Variants in DSCAML1 observed in about 807,000 individuals in gnomAD.
DSCAML1 encodes the protein cell adhesion molecule DSCAML1.
In DSCAML1, 38 loss-of-function variants were observed where a neutral mutation model predicts 200.5. The ratio of observed to expected loss-of-function variants is 0.19; its 90% CI spans 0.15 to 0.25. The LOEUF (loss-of-function observed/expected upper bound fraction) is 0.25. Among genes scored for constraint, DSCAML1 ranks in the 10% least tolerant of loss-of-function variants. The probability of loss-of-function intolerance (pLI) is 1.00; values close to 1 mark genes in which losing one functional copy is unlikely to be tolerated. For missense variants in DSCAML1, 2,223 were observed against 2,858.8 expected (o/e 0.78, Z 5.07); for synonymous variants, 1,215 against 1,165.0 (o/e 1.04, Z -0.87).
chr11:117,720,212 T>G (rs1268597187), intron 3 of DSCAML1, among the ~76,000 whole-genome samples: 1 of 152,106 alleles, frequency 6.6e-6, no homozygotes, highest in Admixed American at 6.5e-5. Flanking sequence ...CAGCCAGGTA[T>G]GGAGCAGATA....
chr11:117,742,360 G>A (rs1461220689), intron 3 of DSCAML1, among the ~76,000 whole-genome samples: 2 of 152,216 alleles, frequency 1.3e-5, no homozygotes, highest in Non-Finnish European at 2.9e-5. Context: ...TTTACAGACA[G>A]AGCTAAATCC....
rs774593557 is a variant in DSCAML1 at position 117,435,683 on chromosome 11, G to A, written c.4837C>T (p.Arg1613Cys). ...AGCCGTTTCTCCTTCCTCTTCTTGC[G>A]TACGATGAAGAGCAGTGCCACCCCC... The part of the protein sequence containing the change: ...TLGVALLFIV[R>C]KKRKEKRLKR... The change falls in exon 27 of 33, where the codon CGC (arginine) becomes TGC (cysteine). Residue 1613 changes from arginine (R) to cysteine (C), a missense_variant. This residue lies in a region of DSCAML1 where 614 missense variants were observed against 739.1 expected (regional missense o/e 0.83). Coordinates refer to ENST00000651296, the MANE Select transcript of DSCAML1 (RefSeq NM_020693.4). The A allele has an allele frequency of 4.4e-6, 7 of 1,608,390 alleles. No individual in the cohort carries two copies. Among genetic ancestry groups the A allele is most frequent in the South Asian group, 2.2e-5 (2 of 90,716 alleles).
intron 3 of DSCAML1, among the ~76,000 whole-genome samples, chr11:117,548,112 G>C (rs1053565642): frequency 1.3e-5 from 2 of 152,232 alleles, no homozygotes; most frequent in African/African-American, 2.4e-5. Flanking sequence ...TTGAGGGCAG[G>C]TGTGGATCCC....
intron 3 of DSCAML1, among the ~76,000 whole-genome samples, chr11:117,602,928 G>A (rs147519488): frequency 2.6e-5 from 4 of 151,760 alleles, no homozygotes; most frequent in African/African-American, 7.3e-5. Context: ...GCGAAACCCC[G>A]TCTCTACAAA....
chr11:117,670,313 GA>G (rs2053077730), intron 3 of DSCAML1, among the ~76,000 whole-genome samples: 3 of 151,938 alleles, frequency 2.0e-5, no homozygotes, highest in Admixed American at 2.0e-4. Context: ...CCCCCAGACC[GA>G]CTCCAAGCTC....
intron 3 of DSCAML1, among the ~76,000 whole-genome samples, chr11:117,695,891 A>G (rs924629362): frequency 2.0e-5 from 3 of 152,226 alleles, no homozygotes; most frequent in Non-Finnish European, 4.4e-5. Flanking sequence ...CCTACCTTGT[A>G]GGTTGTTGTT....
intron 11 of DSCAML1, among the ~76,000 whole-genome samples, chr11:117,501,715 C>T (rs1309291754): frequency 6.6e-6 from 1 of 152,076 alleles, no homozygotes; most frequent in African/African-American, 2.4e-5. Context: ...CACGCAGGAG[C>T]CATGAGTGGG....
chr11:117,692,032 G>A (rs979083171), intron 3 of DSCAML1, among the ~76,000 whole-genome samples: 1 of 152,070 alleles, frequency 6.6e-6, no homozygotes, highest in Non-Finnish European at 1.5e-5. Context: ...TACCTGAAAT[G>A]GGCTCTATTA....
chr11:117,693,136 A>G (rs2053528409), intron 3 of DSCAML1, among the ~76,000 whole-genome samples: 1 of 152,190 alleles, frequency 6.6e-6, no homozygotes. Context: ...GATCTTCAGC[A>G]TCTTGCCGTG....
intron 20 of DSCAML1, among the ~76,000 whole-genome samples, chr11:117,446,831 C>G (rs1307124867): frequency 6.6e-6 from 1 of 152,106 alleles, no homozygotes; most frequent in Non-Finnish European, 1.5e-5. Flanking sequence ...CCAGGAATTC[C>G]TATAGAAATT....
chr11:117,439,196 G>T (rs921818701), intron 23 of DSCAML1, 70 bp downstream of exon 23: 5 of 1,571,894 alleles, frequency 3.2e-6, no homozygotes, highest in African/African-American at 1.3e-5. Flanking sequence ...TGACCCTCTC[G>T]CATGATGGAA....
chr11:117,483,527 A>G (rs1342309269), intron 11 of DSCAML1, among the ~76,000 whole-genome samples: 1 of 152,232 alleles, frequency 6.6e-6, no homozygotes, highest in East Asian at 1.9e-4. Context: ...TGAAACTCCT[A>G]TGATCTCAGG....
At chr11:117,541,124 C>T (rs1297232764) in intron 3 of DSCAML1, among the ~76,000 whole-genome samples, 1 of 152,230 alleles carries the variant, frequency 6.6e-6, no homozygotes, top group African/African-American at 2.4e-5. Flanking sequence ...TTGCACACTT[C>T]CACCCCAAGG....
intron 8 of DSCAML1, among the ~76,000 whole-genome samples, chr11:117,506,371 G>C (rs1307541147): frequency 6.6e-6 from 1 of 152,020 alleles, no homozygotes; most frequent in African/African-American, 2.4e-5. Flanking sequence ...TTTTACAGAT[G>C]AGAAAACTCA....
chr11:117,779,737 G>C (rs554036327), intron 2 of DSCAML1, among the ~76,000 whole-genome samples: 1 of 152,176 alleles, frequency 6.6e-6, no homozygotes, highest in Non-Finnish European at 1.5e-5. Flanking sequence ...TACATTGTTA[G>C]AAATCAGAAT....
intron 1 of DSCAML1, among the ~76,000 whole-genome samples, chr11:117,807,540 T>C (rs932180327): frequency 1.8e-4 from 27 of 152,352 alleles, no homozygotes; most frequent in Admixed American, 7.8e-4. Context: ...TCTCACCTTT[T>C]TGGTCTGTGG....
At chr11:117,717,023 C>CT (rs1224586356) in intron 3 of DSCAML1, among the ~76,000 whole-genome samples, 10 of 152,072 alleles carry the variant, frequency 6.6e-5, no homozygotes, top group Admixed American at 6.5e-4. Flanking sequence ...CAGCACCAGG[C>CT]TGTGTCATCT....
intron 19 of DSCAML1, among the ~76,000 whole-genome samples, chr11:117,453,807 G>T (rs994172924): frequency 6.7e-6 from 1 of 148,848 alleles, no homozygotes; most frequent in Non-Finnish European, 1.5e-5. Context: ...GCAGTAGTGC[G>T]ATCTTGGCTG....
At chr11:117,769,696 T>A (rs893439534) in intron 3 of DSCAML1, among the ~76,000 whole-genome samples, 2 of 149,436 alleles carry the variant, frequency 1.3e-5, no homozygotes, top group Non-Finnish European at 2.9e-5. Flanking sequence ...CCTACTAACT[T>A]TAAGCAATTT....
Sources: gnomAD v4.1 joint callset for allele counts (sites outside exome capture counted in the v4.1 genomes callset) on GRCh38, gnomAD v4.1.1 for gene constraint, gnomAD v4.1.1 regional missense constraint, MANE v1.5 for transcripts, NCBI Gene and HGNC (gene_info 2026-07-23, HGNC 2026-07-21) for gene names.